The following GRM4 variants were observed in gnomAD, a reference collection of about 807,000 sequenced individuals.
GRM4 encodes the protein glutamate metabotropic receptor 4.
A neutral mutation model predicts 81.7 loss-of-function variants in GRM4; 28 were observed. The observed-to-expected ratio is 0.34, with a 90% CI of 0.25 to 0.47. The LOEUF (loss-of-function observed/expected upper bound fraction) is 0.47, where lower values mean the gene tolerates loss of function less well. Ranked by LOEUF, GRM4 falls within the 20% of genes least tolerant of loss-of-function variation. The pLI is 1.00. For missense variants in GRM4, 948 were observed against 1,290.0 expected (o/e 0.73, Z 4.06); for synonymous variants, 488 against 528.8 (o/e 0.92, Z 1.06).
At chr6:34,037,548 G>A (rs1011783117) in intron 8 of GRM4, among the ~76,000 whole-genome samples, 1 of 152,134 alleles carries the variant, frequency 6.6e-6, no homozygotes, top group Non-Finnish European at 1.5e-5. Context: ...AGCTGGTTGG[G>A]GGGTGTGGGG....
At chr6:34,143,904 C>T (rs1393495178) in intron 1 of GRM4, among the ~76,000 whole-genome samples, 1 of 152,234 alleles carries the variant, frequency 6.6e-6, no homozygotes, top group Non-Finnish European at 1.5e-5. Flanking sequence ...AACATACATG[C>T]CCCTCCCTCC....
chr6:34,022,189 CAT>C lies in GRM4; in HGVS notation c.*630_*631del, dbSNP rs558730050. The C allele has an allele frequency of 6.5e-6, 1 of 153,852 alleles. No homozygotes were observed. The highest frequency in any genetic ancestry group is 1.4e-5 in the Non-Finnish European group (1 of 68,990). 9.5% of individuals were successfully genotyped at this position (153,852 alleles called of 1,614,324 possible). ...TTTTTTCCTTTTTTCTCTTTTGCAA[CAT>C]GTAAGGTTTGGTGAACTGGGGAAGG... On this transcript the variant is annotated 3_prime_UTR_variant, in exon 11 of 11. Coordinates refer to ENST00000538487, the MANE Select transcript of GRM4 (RefSeq NM_000841.4). The surrounding 1 kb of genome is among the most constrained non-coding windows in gnomAD (Gnocchi z 5.6).
intron 6 of GRM4, among the ~76,000 whole-genome samples, chr6:34,041,305 T>C (rs963193519): frequency 3.9e-5 from 6 of 152,170 alleles, no homozygotes; most frequent in African/African-American, 1.4e-4. Flanking sequence ...AAGACTGCCC[T>C]CAATGGTTTC....
chr6:34,028,944 G>C (rs901907912), intron 9 of GRM4, among the ~76,000 whole-genome samples: 3 of 152,198 alleles, frequency 2.0e-5, no homozygotes, highest in African/African-American at 7.2e-5. Flanking sequence ...TCGCGATATG[G>C]TGGTGGCAGC....
At chr6:34,027,441 G>A (rs1247410688) in intron 10 of GRM4, among the ~76,000 whole-genome samples, 1 of 152,074 alleles carries the variant, frequency 6.6e-6, no homozygotes, top group African/African-American at 2.4e-5. Flanking sequence ...ACCCTTTCCT[G>A]CTGGGTCTCC....
rs750387190 is a variant in GRM4, at chr6:34,028,253, G to A, written c.2556C>T (p.Asn852=). The A allele has an allele frequency of 2.7e-5, 43 of 1,613,956 alleles. No homozygotes were observed. The highest frequency in any genetic ancestry group is 6.7e-5 in the Admixed American group (4 of 60,012). Residue 852 remains asparagine, a synonymous_variant, in exon 10 of 11, where the codon AAC becomes AAT. Coordinates refer to ENST00000538487, the MANE Select transcript of GRM4 (RefSeq NM_000841.4). ...VYIILFHPEQ[N]VPKRKRSLKA... ...TGAGGCTGCGCTTGCGCTTGGGCAC[G>A]TTCTGCTCCGGGTGGAAGAGGATGA... is the stretch of plus-strand genomic sequence containing the variant.
intron 2 of GRM4, among the ~76,000 whole-genome samples, chr6:34,108,235 C>T (rs1356746046): frequency 6.6e-6 from 1 of 152,260 alleles, no homozygotes. Context: ...AGACAGTCCT[C>T]CTTCCTGTGC....
chr6:34,027,587 G>T (rs376943603), intron 10 of GRM4, among the ~76,000 whole-genome samples: 9 of 152,214 alleles, frequency 5.9e-5, no homozygotes, highest in Non-Finnish European at 1.0e-4. Flanking sequence ...TGCCTGCTAG[G>T]GGGTGGCTGA....
At chr6:34,056,380 C>T (rs968867930) in intron 6 of GRM4, 164 bp downstream of exon 6, 8 of 627,566 alleles carry the variant, frequency 1.3e-5, no homozygotes, top group Non-Finnish European at 1.9e-5. Flanking sequence ...CTCAAGGCCC[C>T]GCCCCAGGCC....
At chr6:34,110,801 A>T in intron 2 of GRM4, 1 of 1,402,728 alleles carries the variant, frequency 7.1e-7, no homozygotes, top group Non-Finnish European at 9.3e-7. Context: ...CCCAGGCTGC[A>T]GGCCATCTGT....
At chr6:34,127,262 G>A (rs1301215279) in intron 2 of GRM4, among the ~76,000 whole-genome samples, 6 of 152,184 alleles carry the variant, frequency 3.9e-5, no homozygotes, top group Non-Finnish European at 4.4e-5. Flanking sequence ...GAGCTTCTCC[G>A]AAGAGAGGCC....
In GRM4 at chr6:34,035,327, A is replaced by G. The variant is rs1581593136; in HGVS notation, c.2442+341T>C. 1.6e-5 allele frequency among the ~76,000 whole-genome samples: 2 copies of G among 121,880 alleles called. No individual in the cohort carries two copies. The highest frequency in any genetic ancestry group is 9.0e-5 in the Admixed American group (1 of 11,104). 80.0% of individuals were successfully genotyped at this position (121,880 alleles called of 152,430 possible). Reference sequence around the variant, plus strand: ...AAAGAGGAGGAGGGGGAAGGAGAACAGGGGGAGGATGGAAAGAGGGAGTAA... The same window carrying G: ...AAAGAGGAGGAGGGGGAAGGAGAACGGGGGGAGGATGGAAAGAGGGAGTAA... On this transcript the variant is annotated intron_variant, in intron 9 of 10. Transcript: ENST00000538487. This position sits in a 1 kb window ranked among gnomAD's most constrained non-coding sequence, Gnocchi z 6.6.
At position 34,070,286 on chromosome 6, in the gene GRM4, CA is replaced by C. The variant is rs1766746843; in HGVS notation, c.737-8259del. Among the ~76,000 whole-genome samples the C allele has an allele frequency of 6.6e-6, 1 of 152,146 alleles. No homozygotes were observed. The highest frequency in any genetic ancestry group is 2.1e-4 in the South Asian group (1 of 4,830). On this transcript the variant is annotated intron_variant, in intron 3 of 10. Transcript: ENST00000538487. The surrounding 1 kb of genome is among the most constrained non-coding windows in gnomAD (Gnocchi z 4.6). ...CGTCCACACGCGTGGGGTGGGTACC[CA>C]CGTGCACCTGGACGTCTCCCTCCGT...
upstream of GRM4, among the ~76,000 whole-genome samples, chr6:34,147,641 G>A (rs1287151691): frequency 6.6e-6 from 1 of 152,190 alleles, no homozygotes; most frequent in Non-Finnish European, 1.5e-5. Flanking sequence ...GGGGGCTCAG[G>A]ACAGCTCAAA....
At chr6:34,054,107 G>C (rs1357415885) in intron 6 of GRM4, 1 of 151,968 alleles carries the variant, frequency 6.6e-6, no homozygotes, top group East Asian at 1.9e-4. Context: ...AGAAAGCAAA[G>C]GCCCAGAAAG....
At chr6:34,088,313 G>A (rs140932165) in intron 3 of GRM4, among the ~76,000 whole-genome samples, 45 of 152,132 alleles carry the variant, frequency 3.0e-4, no homozygotes, top group African/African-American at 7.5e-4. Context: ...TAGTAGAGAC[G>A]GCGTTTCACC....
intron 6 of GRM4, among the ~76,000 whole-genome samples, chr6:34,046,535 C>T (rs1017512363): frequency 6.6e-6 from 1 of 152,096 alleles, no homozygotes; most frequent in Non-Finnish European, 1.5e-5. Flanking sequence ...TGTGGGGTTC[C>T]GTCCTGCTGG....
rs993113208 is a variant in GRM4, at chr6:34,064,481, A to G, written c.737-2453T>C. 6.6e-6 allele frequency among the ~76,000 whole-genome samples: 1 copy of G among 152,070 alleles called. No individual in the cohort carries two copies. The highest frequency in any genetic ancestry group is 2.4e-5 in the African/African-American group (1 of 41,392). ...TCCAGTCATGTAGTGAATGGATAGG[A>G]TTGTGGAGTTGAGGGGGCTTGTGGG... is the stretch of plus-strand genomic sequence containing the variant. On this transcript the variant is annotated intron_variant, in intron 3 of 10. Transcript: ENST00000538487. This position sits in a 1 kb window ranked among gnomAD's most constrained non-coding sequence, Gnocchi z 4.4.
chr6:34,138,646 A>C (rs1770559867), intron 1 of GRM4, among the ~76,000 whole-genome samples: 1 of 152,200 alleles, frequency 6.6e-6, no homozygotes, highest in African/African-American at 2.4e-5. Context: ...TCGGGTTGTC[A>C]GAACTGTGCC....
Sources: allele counts gnomAD v4.1 joint callset (sites outside exome capture counted in the v4.1 genomes callset), GRCh38; gene constraint gnomAD v4.1.1; non-coding constraint Gnocchi (gnomAD v3.1); transcripts MANE v1.5; gene names NCBI Gene and HGNC (gene_info 2026-07-23, HGNC 2026-07-21).